CELF4: variants seen among roughly 807,000 people sequenced by gnomAD.
The protein encoded by CELF4 is CUGBP Elav-like family member 4.
CELF4 carries 18 observed loss-of-function variants against 59.9 expected under a neutral mutation model. The ratio of observed to expected loss-of-function variants is 0.30; its 90% confidence interval spans 0.21 to 0.45. The LOEUF (loss-of-function observed/expected upper bound fraction) is 0.45. Ranked by LOEUF, CELF4 falls within the 20% of genes least tolerant of loss-of-function variation. The pLI, the probability that CELF4 is intolerant of heterozygous loss-of-function variation, is 1.00. For missense variants in CELF4, 456 were observed against 689.0 expected, an observed-to-expected ratio of 0.66 and a Z score of 3.79; for synonymous variants, 261 against 267.1, an observed-to-expected ratio of 0.98 and a Z score of 0.22.
intron 2 of CELF4, among the ~76,000 whole-genome samples, chr18:37,409,006 G>T (rs896469439): frequency 6.6e-6 from 1 of 152,166 alleles, no homozygotes; most frequent in African/African-American, 2.4e-5. Context: ...AGAACGTATG[G>T]GTTGACTGAA....
chr18:37,308,844 T>C (rs1025513957), intron 3 of CELF4, among the ~76,000 whole-genome samples: 4 of 152,224 alleles, frequency 2.6e-5, no homozygotes, highest in Non-Finnish European at 5.9e-5. Context: ...GACAAGGCCA[T>C]GCCTGGTCAG....
chr18:37,522,519 G>A (rs566459832), intron 1 of CELF4, among the ~76,000 whole-genome samples: 18 of 150,690 alleles, frequency 1.2e-4, no homozygotes, highest in African/African-American at 3.2e-4. Flanking sequence ...GTGTGAGCGC[G>A]CACACACACA....
Position 37,556,519 on chromosome 18 carries a change from G to T in CELF4, c.286+8837C>A, listed in dbSNP as rs368510007. On this transcript the variant is annotated intron_variant, in intron 1 of 12. Coordinates refer to ENST00000420428, the MANE Select transcript of CELF4 (RefSeq NM_020180.4). The stretch of plus-strand genomic sequence containing the variant: ...TGTGTAGGTTTGTAGTAGAAGGCAT[G>T]CTTTTTGTGCTTGTGTGTGTTTGTG... Among the ~76,000 whole-genome samples, 9 of 152,286 alleles carry T rather than the reference G, an allele frequency of 5.9e-5. 1 individual carries two copies. The South Asian group carries it at 1.9e-3, about 32-fold the overall frequency.
At chr18:37,443,755 A>G (rs1048456896) in intron 2 of CELF4, among the ~76,000 whole-genome samples, 5 of 152,086 alleles carry the variant, frequency 3.3e-5, no homozygotes, top group African/African-American at 1.2e-4. Context: ...GGTCACTGAC[A>G]TGGAATCCTG....
intron 3 of CELF4, among the ~76,000 whole-genome samples, chr18:37,318,602 G>A (rs796124495): frequency 1.4e-5 from 2 of 148,000 alleles, no homozygotes; most frequent in African/African-American, 5.0e-5. Flanking sequence ...TTAATAGAAA[G>A]ATGTTTAGGT....
intron 2 of CELF4, among the ~76,000 whole-genome samples, chr18:37,412,635 C>T (rs1030112504): frequency 6.6e-6 from 1 of 151,734 alleles, no homozygotes; most frequent in African/African-American, 2.4e-5. Context: ...TGGATGGGTG[C>T]ATGTGTGTAT....
intron 1 of CELF4, among the ~76,000 whole-genome samples, chr18:37,546,363 C>T (rs2099981418): frequency 6.6e-6 from 1 of 151,758 alleles, no homozygotes; most frequent in South Asian, 2.1e-4. Context: ...ATGCTCACTA[C>T]ATACTTGCAC....
chr18:37,400,864 C>A (rs550830610), intron 2 of CELF4, among the ~76,000 whole-genome samples: 1 of 152,372 alleles, frequency 6.6e-6, no homozygotes, highest in East Asian at 1.9e-4. Flanking sequence ...GATGGAGACG[C>A]CTGAATTATT....
rs1307397445 is a variant in CELF4 at position 37,253,989 on chromosome 18, G to A, written c.1334-51C>T. ...CTGGGTTTCCACGGGGCCGCCCGGG[G>A]CGCTGCCGGCGGGGAGGGGTCGGGG... On this transcript the variant is annotated intron_variant, in intron 11 of 12. Transcript: ENST00000420428. This position sits in a 1 kb window ranked among gnomAD's most constrained non-coding sequence, Gnocchi z 4.5. 5 of 1,518,682 alleles carry A rather than the reference G, an allele frequency of 3.3e-6. No individual in the cohort carries two copies. Among genetic ancestry groups the A allele is most frequent in the Non-Finnish European group, 2.7e-6 (3 of 1,128,550 alleles). 94.1% of individuals were successfully genotyped at this position (1,518,682 alleles called of 1,614,324 possible).
At chr18:37,514,904 A>T (rs959455921) in intron 1 of CELF4, among the ~76,000 whole-genome samples, 1 of 152,198 alleles carries the variant, frequency 6.6e-6, no homozygotes, top group East Asian at 1.9e-4. Context: ...AATTATATAA[A>T]TTACAGCCCT....
At chr18:37,352,871 G>A (rs1300907297) in intron 2 of CELF4, among the ~76,000 whole-genome samples, 3 of 152,094 alleles carry the variant, frequency 2.0e-5, no homozygotes, top group Non-Finnish European at 4.4e-5. Flanking sequence ...AGAGTGGGAC[G>A]GGGTGGAACA....
At chr18:37,403,753 A>G (rs2099355174) in intron 2 of CELF4, among the ~76,000 whole-genome samples, 1 of 152,204 alleles carries the variant, frequency 6.6e-6, no homozygotes. Context: ...GAGTTTACAT[A>G]GCGCACATGA....
intron 2 of CELF4, among the ~76,000 whole-genome samples, chr18:37,412,715 G>A (rs1484223088): frequency 6.6e-6 from 1 of 152,180 alleles, no homozygotes; most frequent in Non-Finnish European, 1.5e-5. Flanking sequence ...TGTTACTTCT[G>A]CATCACACTC....
At chr18:37,478,986 G>A (rs2099858596) in intron 2 of CELF4, among the ~76,000 whole-genome samples, 1 of 152,202 alleles carries the variant, frequency 6.6e-6, no homozygotes, top group African/African-American at 2.4e-5. Flanking sequence ...TCAAGGCCTG[G>A]GTTCTGGTCC....
chr18:37,274,660 G>T (rs537870045), intron 5 of CELF4, 145 bp downstream of exon 5: 2 of 1,482,986 alleles, frequency 1.3e-6, no homozygotes, highest in Admixed American at 4.8e-5. Flanking sequence ...AACATCCCTG[G>T]GCTTCCGCGT....
chr18:37,456,560 A>C (rs1168976087), intron 2 of CELF4, among the ~76,000 whole-genome samples: 3 of 152,032 alleles, frequency 2.0e-5, no homozygotes, highest in Admixed American at 6.5e-5. Context: ...TGACTCCCTT[A>C]TCTGCAGGGC....
intron 2 of CELF4, among the ~76,000 whole-genome samples, chr18:37,335,151 G>A (rs765199675): frequency 6.6e-6 from 1 of 151,932 alleles, no homozygotes; most frequent in African/African-American, 2.4e-5. Context: ...ATGACGAATC[G>A]GGTTAAATTC....
chr18:37,561,779 A>G lies in CELF4; in HGVS notation c.286+3577T>C, dbSNP rs2099986610. On this transcript the variant is annotated intron_variant, in intron 1 of 12. Coordinates refer to ENST00000420428, the MANE Select transcript of CELF4 (RefSeq NM_020180.4). Reference sequence around the variant, plus strand: ...CTCCAGGGTAGAAAAATTCTACAAAAAGGGGTAAAATTGGCCCTCAGCTCA... The same window carrying G: ...CTCCAGGGTAGAAAAATTCTACAAAGAGGGGTAAAATTGGCCCTCAGCTCA... Among the ~76,000 whole-genome samples, 4 of 152,212 alleles carry G rather than the reference A, an allele frequency of 2.6e-5. No individual in the cohort carries two copies. In the South Asian group the frequency reaches 8.3e-4, roughly 32 times the overall value.
intron 2 of CELF4, among the ~76,000 whole-genome samples, chr18:37,391,750 A>C (rs574146753): frequency 6.6e-6 from 1 of 152,262 alleles, no homozygotes; most frequent in Admixed American, 6.5e-5. Flanking sequence ...GTCAGAGAGG[A>C]TGCCACCAAG....
Sources: allele counts gnomAD v4.1 joint callset (sites outside exome capture counted in the v4.1 genomes callset), GRCh38; gene constraint gnomAD v4.1.1; non-coding constraint Gnocchi (gnomAD v3.1); transcripts MANE v1.5; gene names NCBI Gene and HGNC (gene_info 2026-07-23, HGNC 2026-07-21).